The following PTPRD variants were observed in gnomAD, a reference collection of about 807,000 sequenced individuals.
PTPRD encodes receptor-type tyrosine-protein phosphatase delta.
In PTPRD, 34 loss-of-function variants were observed where a neutral mutation model predicts 214.5. That is an observed-to-expected ratio of 0.16 (90% confidence interval 0.12 to 0.21). The LOEUF is 0.21. Ranked by LOEUF, PTPRD falls within the 10% of genes least tolerant of loss-of-function variation. The pLI is 1.00. For missense variants in PTPRD, 2,545 were observed against 2,398.7 expected, an observed-to-expected ratio of 1.06 and a Z score of -1.27; for synonymous variants, 1,128 against 845.7, an observed-to-expected ratio of 1.33 and a Z score of -5.79.
At chr9:9,158,809 G>T (rs896379517) in intron 10 of PTPRD, among the ~76,000 whole-genome samples, 1 of 151,938 alleles carries the variant, frequency 6.6e-6, no homozygotes, top group Non-Finnish European at 1.5e-5. Flanking sequence ...AAAATACTCA[G>T]TAAAATATTA....
rs1043038634 is a variant in PTPRD at position 10,423,648 on chromosome 9, T to C, written c.-599-82631A>G. Among the ~76,000 whole-genome samples, 4 of 151,820 alleles carry C rather than the reference T, an allele frequency of 2.6e-5. No homozygotes were observed. In the Admixed American group the frequency reaches 2.6e-4, roughly 10 times the overall value. On this transcript the variant is annotated intron_variant, in intron 2 of 45. Coordinates refer to ENST00000381196, the MANE Select transcript of PTPRD (RefSeq NM_002839.4). The stretch of plus-strand genomic sequence containing the variant: ...GTAGCAACACTGCAAGTGTAAGGTG[T>C]TTTTTAGAGATGCTCCTGTTAATGC...
intron 2 of PTPRD, among the ~76,000 whole-genome samples, chr9:10,433,963 A>G (rs2098700518): frequency 6.6e-6 from 1 of 151,908 alleles, no homozygotes; most frequent in Non-Finnish European, 1.5e-5. Context: ...CTATAAACAA[A>G]AAGTGTTATT....
At chr9:10,273,227 G>C (rs28427156) in intron 3 of PTPRD, among the ~76,000 whole-genome samples, 15,033 of 152,124 alleles carry the variant, frequency 0.099, 1,062 homozygotes, top group African/African-American at 0.19. Flanking sequence ...ACCAAATATA[G>C]TTCTAGCATC....
At chr9:10,127,462 A>G (rs557407100) in intron 3 of PTPRD, among the ~76,000 whole-genome samples, 34 of 152,314 alleles carry the variant, frequency 2.2e-4, no homozygotes, top group African/African-American at 7.0e-4. Context: ...CAAGACAGAC[A>G]TATAATAAAG....
chr9:10,204,364 C>A (rs535309089), intron 3 of PTPRD, among the ~76,000 whole-genome samples: 2 of 152,262 alleles, frequency 1.3e-5, no homozygotes, highest in East Asian at 1.9e-4. Flanking sequence ...AATAGCTTTA[C>A]TGATTTTGAA....
chr9:8,731,272 C>A (rs2098655631), intron 12 of PTPRD, among the ~76,000 whole-genome samples: 1 of 152,132 alleles, frequency 6.6e-6, no homozygotes. Context: ...ATTCCCATCC[C>A]CATATGGTCT....
chr9:9,705,322 T>A (rs1357304475), intron 7 of PTPRD, among the ~76,000 whole-genome samples: 1 of 152,218 alleles, frequency 6.6e-6, no homozygotes, highest in East Asian at 1.9e-4. Flanking sequence ...ATTATGATTA[T>A]CTTAATTAGA....
chr9:9,775,283 G>C (rs900427595), intron 5 of PTPRD, among the ~76,000 whole-genome samples: 1 of 151,996 alleles, frequency 6.6e-6, no homozygotes, highest in Non-Finnish European at 1.5e-5. Flanking sequence ...ATTAATACTT[G>C]AGTTAAAATA....
chr9:9,745,441 G>C (rs2098447801), intron 6 of PTPRD, among the ~76,000 whole-genome samples: 2 of 152,034 alleles, frequency 1.3e-5, no homozygotes, highest in South Asian at 2.1e-4. Context: ...CCAGCAAAAT[G>C]ACTCAGACTA....
At chr9:9,584,937 T>A (rs968229191) in intron 7 of PTPRD, among the ~76,000 whole-genome samples, 1 of 152,006 alleles carries the variant, frequency 6.6e-6, no homozygotes, top group South Asian at 2.1e-4. Flanking sequence ...AATGATGCCC[T>A]TTATTGCACA....
chr9:8,615,501 G>A (rs554486020), intron 14 of PTPRD, among the ~76,000 whole-genome samples: 211 of 152,102 alleles, frequency 1.4e-3, no homozygotes, highest in African/African-American at 4.9e-3. Context: ...GTGTTTTGAG[G>A]AAAGTCACTC....
At chr9:9,870,407 T>A (rs980886058) in intron 5 of PTPRD, among the ~76,000 whole-genome samples, 10 of 152,114 alleles carry the variant, frequency 6.6e-5, no homozygotes, top group African/African-American at 2.4e-4. Context: ...ACAACTTTGT[T>A]ACTTGCATAT....
chr9:9,119,902 G>A (rs557983726), intron 10 of PTPRD, among the ~76,000 whole-genome samples: 10 of 151,800 alleles, frequency 6.6e-5, no homozygotes, highest in African/African-American at 1.9e-4. Flanking sequence ...TTGGGAGATG[G>A]ACACCCTAAC....
intron 3 of PTPRD, among the ~76,000 whole-genome samples, chr9:10,258,851 C>T (rs2093482284): frequency 6.6e-6 from 1 of 152,128 alleles, no homozygotes; most frequent in Non-Finnish European, 1.5e-5. Context: ...ATTTTTTATA[C>T]TTAATTTATA....
chr9:9,818,646 G>A (rs1391096999), intron 5 of PTPRD, among the ~76,000 whole-genome samples: 2 of 152,014 alleles, frequency 1.3e-5, no homozygotes, highest in African/African-American at 4.8e-5. Context: ...GGTCGGGCGT[G>A]GTGGCTCATG....
At chr9:8,730,997 G>C (rs1363301883) in intron 12 of PTPRD, among the ~76,000 whole-genome samples, 1 of 152,186 alleles carries the variant, frequency 6.6e-6, no homozygotes, top group Non-Finnish European at 1.5e-5. Flanking sequence ...TCAAATAATA[G>C]TGGATATACA....
chr9:9,246,306 A>G (rs995242054), intron 9 of PTPRD, among the ~76,000 whole-genome samples: 1 of 152,012 alleles, frequency 6.6e-6, no homozygotes. Flanking sequence ...GGAATTGTTG[A>G]AATTAAAACT....
At chr9:10,064,764 A>G (rs2097845713) in intron 3 of PTPRD, among the ~76,000 whole-genome samples, 1 of 151,962 alleles carries the variant, frequency 6.6e-6, no homozygotes, top group Non-Finnish European at 1.5e-5. Context: ...AATGTTATAA[A>G]CTTGTATAAA....
chr9:9,804,069 T>C (rs1243909351), intron 5 of PTPRD, among the ~76,000 whole-genome samples: 1 of 152,114 alleles, frequency 6.6e-6, no homozygotes, highest in Non-Finnish European at 1.5e-5. Context: ...ATTTTTTTTC[T>C]TTTAATACAC....
Sources: gnomAD v4.1 joint callset for allele counts (sites outside exome capture counted in the v4.1 genomes callset) on GRCh38, gnomAD v4.1.1 for gene constraint, MANE v1.5 for transcripts, NCBI Gene and HGNC (gene_info 2026-07-23, HGNC 2026-07-21) for gene names.